The following MYOF variants were observed in gnomAD, a reference collection of about 807,000 sequenced individuals.
The protein encoded by MYOF is fer-1-like 3, myoferlin.
In MYOF, 244 loss-of-function variants were observed where a neutral mutation model predicts 284.2. That is an observed-to-expected ratio of 0.86 (90% CI 0.77 to 0.95). MYOF has a LOEUF of 0.95. MYOF is among the 40% of genes least tolerant of loss of function. The pLI is 0.00. For missense variants in MYOF, 2,496 were observed against 2,560.6 expected, an observed-to-expected ratio of 0.97 and a Z score of 0.54; for synonymous variants, 904 against 919.7, an observed-to-expected ratio of 0.98 and a Z score of 0.31.
rs559445508 is a variant in MYOF, at chr10:93,325,692, C to T, written c.5271+134G>A. The T allele has an allele frequency of 1.4e-4, 169 of 1,173,188 alleles. 1 individual carries two copies. The highest frequency in any genetic ancestry group is 1.3e-3 in the African/African-American group (82 of 64,500). 72.7% of individuals were successfully genotyped at this position (1,173,188 alleles called of 1,614,324 possible). A position where few individuals can be genotyped will look rare whatever the true frequency, so the allele number is the denominator to read the frequency against. On this transcript the variant is annotated intron_variant, in intron 46 of 53. Transcript: ENST00000359263. ...ACAAAAAAATTCCCTTTTGATATGA[C>T]GCTAATTTGAGTCTCATTTCTATTT...
intron 5 of MYOF, among the ~76,000 whole-genome samples, chr10:93,414,384 A>T (rs984487080): frequency 7.2e-5 from 11 of 151,978 alleles, no homozygotes; most frequent in Non-Finnish European, 1.5e-4. Flanking sequence ...TAAAAATATT[A>T]AAAAATTAGC....
In MYOF at chr10:93,336,062, A is replaced by G; in HGVS notation, c.4438-16T>C. 6.2e-7 allele frequency: 1 copy of G among 1,611,812 alleles called. No homozygotes were observed. The highest frequency in any genetic ancestry group is 8.5e-7 in the Non-Finnish European group (1 of 1,179,164). On this transcript the variant is annotated splice_polypyrimidine_tract_variant and intron_variant, in intron 40 of 53. Coordinates refer to ENST00000359263, the MANE Select transcript of MYOF (RefSeq NM_013451.4). ...AATTATATATCTGAAAACCACCAAC[A>G]GAGTCTTAATTTCTCATTAAAATGC...
rs913961648 is a variant in MYOF, at chr10:93,338,047, G to C, written c.4339-134C>G. Reference sequence around the variant, plus strand: ...TTAAAAGTGAGATTATATGACTTTTGTTTACATGCACAATGGACAAAGCAT... The same window carrying C: ...TTAAAAGTGAGATTATATGACTTTTCTTTACATGCACAATGGACAAAGCAT... On this transcript the variant is annotated intron_variant, in intron 39 of 53. Coordinates refer to ENST00000359263, the MANE Select transcript of MYOF (RefSeq NM_013451.4). 6.1e-6 allele frequency: 4 copies of C among 658,228 alleles called. No individual in the cohort carries two copies. The African/African-American group carries it at 7.3e-5, about 12-fold the overall frequency. The allele number at this position is 658,228 out of a possible 1,614,324, so 40.8% of individuals were successfully genotyped here.
intron 43 of MYOF, among the ~76,000 whole-genome samples, chr10:93,331,698 G>A (rs1345059003): frequency 6.7e-6 from 1 of 148,326 alleles, no homozygotes; most frequent in African/African-American, 2.4e-5. Context: ...GCAGCATGCG[G>A]GGGGCGTAGG....
intron 7 of MYOF, among the ~76,000 whole-genome samples, chr10:93,408,012 A>G (rs1377944511): frequency 1.3e-5 from 2 of 152,112 alleles, no homozygotes; most frequent in East Asian, 3.9e-4. Context: ...AGGCAACAGC[A>G]TCTCTGAGAA....
Position 93,310,174 on chromosome 10 carries a change from T to C in MYOF, c.6000-7A>G. The C allele has an allele frequency of 1.2e-6, 2 of 1,613,854 alleles. No homozygotes were observed. Among genetic ancestry groups the C allele is most frequent in the Non-Finnish European group, 1.7e-6 (2 of 1,179,770 alleles). ...GAAGGAGGTTTCTGGTCGACTGCAT[T>C]GCAAAGAAACAGTATCACCTACCCA... is the stretch of plus-strand genomic sequence containing the variant. On this transcript the variant is annotated splice_polypyrimidine_tract_variant and splice_region_variant and intron_variant, in intron 52 of 53. Coordinates refer to ENST00000359263, the MANE Select transcript of MYOF (RefSeq NM_013451.4).
At chr10:93,433,587 T>A (rs1045488318) in intron 3 of MYOF, among the ~76,000 whole-genome samples, 13 of 152,270 alleles carry the variant, frequency 8.5e-5, no homozygotes, top group African/African-American at 2.9e-4. Context: ...CTTAAAGTGA[T>A]AGAAGAGATT....
intron 13 of MYOF, among the ~76,000 whole-genome samples, chr10:93,398,079 A>G (rs1434624459): frequency 6.6e-6 from 1 of 152,160 alleles, no homozygotes; most frequent in Non-Finnish European, 1.5e-5. Flanking sequence ...GTACACTTCA[A>G]ATAAAGCCCC....
At chr10:93,362,511 C>G (rs765638737) in intron 27 of MYOF, among the ~76,000 whole-genome samples, 13 of 152,178 alleles carry the variant, frequency 8.5e-5, no homozygotes, top group Non-Finnish European at 1.3e-4. Context: ...TCCCGAAGTG[C>G]TGGGATTACA....
intron 5 of MYOF, among the ~76,000 whole-genome samples, chr10:93,411,588 G>A (rs908883217): frequency 1.3e-5 from 2 of 152,188 alleles, no homozygotes; most frequent in African/African-American, 4.8e-5. Flanking sequence ...TATGGGGGGT[G>A]TGGGGATGGG....
At chr10:93,311,455 C>CA (rs11397640) in intron 51 of MYOF, among the ~76,000 whole-genome samples, 74,628 of 129,658 alleles carry the variant, frequency 0.58, 20,999 homozygotes, top group East Asian at 0.9. Context: ...ACTAAAAATA[C>CA]AAAAAAAAAA....
At chr10:93,310,788 A>C in intron 51 of MYOF, 145 bp from the exon 52 acceptor site, 1 of 768,970 alleles carries the variant, frequency 1.3e-6, no homozygotes, top group Non-Finnish European at 2.1e-6. Context: ...AAGAGATTTC[A>C]TCCCATTTCC....
chr10:93,376,819 C>T (rs1845859102), intron 22 of MYOF, among the ~76,000 whole-genome samples: 1 of 152,164 alleles, frequency 6.6e-6, no homozygotes, highest in Admixed American at 6.5e-5. Context: ...CTGGTTTTGC[C>T]TAACAGAGGC....
chr10:93,401,534 C>T lies in MYOF; in HGVS notation c.1001G>A (p.Arg334Gln), dbSNP rs763460034. ...GTGDEPPPER[R>Q]DRDNDSDDVE... is the part of the protein sequence containing the mutation. ...ATCATCACTGTCATTATCACGATCT[C>T]GTCTCTCAGGCTATTAGGGGCACAT... Residue 334 changes from arginine to glutamine, a missense_variant, in exon 12 of 54, where the codon CGA becomes CAA. Physicochemically the swap from Arg to Gln is conservative, Grantham distance 43. Around this residue, in one of 3 missense-constraint regions of MYOF, gnomAD observed 2,436 missense variants for 2,480.7 expected, o/e 0.98. Transcript: ENST00000359263. 1.1e-5 allele frequency: 17 copies of T among 1,614,012 alleles called. No homozygotes were observed. The highest frequency in any genetic ancestry group is 1.6e-4 in the Middle Eastern group (1 of 6,062).
At chr10:93,356,001 G>C (rs1361682967) in intron 30 of MYOF, among the ~76,000 whole-genome samples, 2 of 151,970 alleles carry the variant, frequency 1.3e-5, no homozygotes, top group African/African-American at 4.8e-5. Context: ...GCTACTGAAA[G>C]AAAGGGAAAA....
chr10:93,306,873 T>A lies in MYOF; in HGVS notation c.*90A>T, dbSNP rs1842122996. 1 of 1,352,084 alleles carries A rather than the reference T, an allele frequency of 7.4e-7. No homozygotes were observed. Among genetic ancestry groups the A allele is most frequent in the African/African-American group, 1.5e-5 (1 of 68,962 alleles). 83.8% of individuals were successfully genotyped at this position (1,352,084 alleles called of 1,614,324 possible). Reference sequence around the variant, plus strand: ...GGCGTAACCTGCTACTGGGGTGTGGTCTCAGACACAAAATCACACTGGATG... The same window carrying A: ...GGCGTAACCTGCTACTGGGGTGTGGACTCAGACACAAAATCACACTGGATG... On this transcript the variant is annotated 3_prime_UTR_variant, in exon 54 of 54. Transcript: ENST00000359263.
chr10:93,384,751 G>A (rs696177), intron 19 of MYOF, among the ~76,000 whole-genome samples: 110,217 of 152,046 alleles, frequency 0.72, 40,188 homozygotes, highest in East Asian at 0.98. Context: ...TGCACCTTGT[G>A]GATAAGGTGG....
chr10:93,378,681 A>ATGTG (rs142030025), intron 21 of MYOF, among the ~76,000 whole-genome samples: 2,251 of 99,064 alleles, frequency 0.023, 139 homozygotes, highest in African/African-American at 0.039. Context: ...GTGTGTGTGT[A>ATGTG]TGTGTGTGTG....
At chr10:93,459,452 C>A (rs776514637) in intron 1 of MYOF, among the ~76,000 whole-genome samples, 2 of 152,222 alleles carry the variant, frequency 1.3e-5, no homozygotes, top group Non-Finnish European at 2.9e-5. Flanking sequence ...TCCAGGTAAA[C>A]ATGGTCATTC....
Sources: gnomAD v4.1 joint callset for allele counts (sites outside exome capture counted in the v4.1 genomes callset) on GRCh38, gnomAD v4.1.1 for gene constraint, gnomAD v4.1.1 regional missense constraint, MANE v1.5 for transcripts, NCBI Gene and HGNC (gene_info 2026-07-23, HGNC 2026-07-21) for gene names.